PIK3R4: variants seen among roughly 807,000 people sequenced by gnomAD.
The protein encoded by PIK3R4 is phosphoinositide-3-kinase regulatory subunit 4, also known as phosphoinositide 3-kinase regulatory subunit 4.
PIK3R4 carries 46 observed loss-of-function variants against 136.5 expected under a neutral mutation model. The ratio of observed to expected loss-of-function variants is 0.34; its 90% CI spans 0.27 to 0.43. PIK3R4 has a LOEUF of 0.43. PIK3R4 is among the 20% of genes least tolerant of loss of function. The pLI, the probability that PIK3R4 is intolerant of heterozygous loss-of-function variation, is 1.00. For missense variants in PIK3R4, 1,331 were observed against 1,649.5 expected, an observed-to-expected ratio of 0.81 and a Z score of 3.35; for synonymous variants, 557 against 566.7, an observed-to-expected ratio of 0.98 and a Z score of 0.24.
At chr3:130,742,825 A>G (rs140070446) in intron 2 of PIK3R4, among the ~76,000 whole-genome samples, 165 of 152,334 alleles carry the variant, frequency 1.1e-3, no homozygotes, top group African/African-American at 3.6e-3. Context: ...GAAGTCTATC[A>G]GAGTACCACT....
intron 7 of PIK3R4, among the ~76,000 whole-genome samples, chr3:130,721,673 C>A (rs1306068548): frequency 6.6e-6 from 1 of 152,016 alleles, no homozygotes; most frequent in Non-Finnish European, 1.5e-5. Context: ...CGAACTAATA[C>A]ATATTATCTA....
At chr3:130,740,651 A>G (rs1306216372) in intron 2 of PIK3R4, among the ~76,000 whole-genome samples, 1 of 152,122 alleles carries the variant, frequency 6.6e-6, no homozygotes, top group Non-Finnish European at 1.5e-5. Context: ...GCAGCATGAT[A>G]CCCAGGAGGT....
At chr3:130,714,611 C>G (rs931339755) in intron 9 of PIK3R4, among the ~76,000 whole-genome samples, 1 of 152,014 alleles carries the variant, frequency 6.6e-6, no homozygotes, top group African/African-American at 2.4e-5. Context: ...CCTCACCCCC[C>G]ACCCCTCAAC....
Position 130,733,799 on chromosome 3 carries a change from T to G in PIK3R4, c.1199A>C (p.Glu400Ala). Residue 400 changes from glutamate (E) to alanine (A), a missense_variant, in exon 4 of 20, where the codon GAA becomes GCA. Around this residue, in one of 2 missense-constraint regions of PIK3R4, gnomAD observed 1,180 missense variants for 1,407.0 expected, o/e 0.84. Transcript: ENST00000356763. The stretch of plus-strand genomic sequence containing the variant: ...TCTTGGAGCCAAATGAAGAATCAGT[T>G]CCAAAGCAGCTAGTTTGGAATCACA... Reference protein sequence around the residue: ...KYCDSKLAALELILHLAPRLS... With the variant: ...KYCDSKLAALALILHLAPRLS... 2 of 1,614,116 alleles carry G rather than the reference T, an allele frequency of 1.2e-6. No homozygotes were observed. The highest frequency in any genetic ancestry group is 1.7e-6 in the Non-Finnish European group (2 of 1,179,998).
chr3:130,733,393 C>A (rs1032518035), intron 4 of PIK3R4, among the ~76,000 whole-genome samples, 155 bp downstream of exon 4: 3 of 152,172 alleles, frequency 2.0e-5, no homozygotes, highest in Non-Finnish European at 4.4e-5. Flanking sequence ...TTCCCAGGAA[C>A]AGAGTAACTA....
chr3:130,700,015 C>T lies in PIK3R4; in HGVS notation c.3098+3708G>A, dbSNP rs78150003. Among the ~76,000 whole-genome samples, 635 of 152,272 alleles carry T rather than the reference C, an allele frequency of 4.2e-3. 1 individual carries two copies. Among genetic ancestry groups the T allele is most frequent in the African/African-American group, 0.014 (592 of 41,550 alleles). ...TCAATGGCATTATGAGGTTTTCATGCTAGTAGGGTTTTTGTCTCACTGAGA... is the reference window on the plus strand; with the variant it reads ...TCAATGGCATTATGAGGTTTTCATGTTAGTAGGGTTTTTGTCTCACTGAGA... On this transcript the variant is annotated intron_variant, in intron 13 of 19. Coordinates refer to ENST00000356763, the MANE Select transcript of PIK3R4 (RefSeq NM_014602.3).
intron 6 of PIK3R4, chr3:130,725,755 C>A (rs962068685): frequency 2.6e-5 from 4 of 151,618 alleles, no homozygotes; most frequent in African/African-American, 9.7e-5. Context: ...ACAAGAAAAG[C>A]ATAAGTATCA....
intron 3 of PIK3R4, among the ~76,000 whole-genome samples, chr3:130,734,751 T>C (rs2066776769): frequency 6.6e-6 from 1 of 152,194 alleles, no homozygotes; most frequent in Non-Finnish European, 1.5e-5. Flanking sequence ...TTTTCTAGTA[T>C]CATAGGGAAA....
At chr3:130,728,931 A>G (rs1437177505) in intron 5 of PIK3R4, among the ~76,000 whole-genome samples, 1 of 152,164 alleles carries the variant, frequency 6.6e-6, no homozygotes, top group African/African-American at 2.4e-5. Context: ...CTATCTCACT[A>G]ATCAAATAGT....
intron 5 of PIK3R4, among the ~76,000 whole-genome samples, chr3:130,729,153 T>C (rs1378927142): frequency 6.6e-6 from 1 of 152,220 alleles, no homozygotes; most frequent in African/African-American, 2.4e-5. Context: ...TGTCAAGGCT[T>C]TACTTCATCT....
chr3:130,680,060 C>CAAAAA (rs1163413860), intron 19 of PIK3R4, among the ~76,000 whole-genome samples: 2 of 65,582 alleles, frequency 3.0e-5, no homozygotes, highest in Non-Finnish European at 6.8e-5. Context: ...GACTCCATCT[C>CAAAAA]AAAAAAAAAA....
intron 9 of PIK3R4, among the ~76,000 whole-genome samples, chr3:130,710,092 A>G (rs1437802094): frequency 6.6e-6 from 1 of 152,184 alleles, no homozygotes; most frequent in African/African-American, 2.4e-5. Context: ...GAACATTACA[A>G]GAAAGGAAAA....
chr3:130,714,953 G>T (rs1393331385), intron 9 of PIK3R4, among the ~76,000 whole-genome samples: 1 of 151,924 alleles, frequency 6.6e-6, no homozygotes, highest in Non-Finnish European at 1.5e-5. Flanking sequence ...ATTCCTTTGG[G>T]TATATGTCCA....
intron 12 of PIK3R4, among the ~76,000 whole-genome samples, 197 bp downstream of exon 12, chr3:130,705,364 A>C (rs1368572728): frequency 6.6e-6 from 1 of 152,230 alleles, no homozygotes; most frequent in African/African-American, 2.4e-5. Context: ...CCTAAACATG[A>C]CTTTGCCAGT....
intron 6 of PIK3R4, 67 bp downstream of exon 6, chr3:130,728,396 A>T: frequency 2.2e-6 from 2 of 925,786 alleles, no homozygotes; most frequent in Non-Finnish European, 3.3e-6. Flanking sequence ...TCTATCCTTC[A>T]GATTGCATGG....
chr3:130,686,446 A>G, intron 14 of PIK3R4, 24 bp from the exon 15 acceptor site: 1 of 1,426,336 alleles, frequency 7.0e-7, no homozygotes, highest in South Asian at 1.1e-5. Context: ...CAAAGCACAG[A>G]CGTTTCCAGT....
At position 130,680,722 on chromosome 3, in the gene PIK3R4, C is replaced by G. The variant is rs1165371015; in HGVS notation, c.3798-1G>C. On this transcript the variant is annotated splice_acceptor_variant, in intron 18 of 19. Coordinates refer to ENST00000356763, the MANE Select transcript of PIK3R4 (RefSeq NM_014602.3). LOFTEE classifies it high-confidence loss of function. ...TTCTGGGTAAGCCAAGTCCCAAAACCTAGGAAAGAGGAAATAAATGATGAC... is the reference window on the plus strand; with the variant it reads ...TTCTGGGTAAGCCAAGTCCCAAAACGTAGGAAAGAGGAAATAAATGATGAC... 1 of 1,578,188 alleles carries G rather than the reference C, an allele frequency of 6.3e-7. No individual in the cohort carries two copies. Among genetic ancestry groups the G allele is most frequent in the Non-Finnish European group, 8.7e-7 (1 of 1,149,884 alleles).
chr3:130,741,063 T>C (rs2066820700), intron 2 of PIK3R4, among the ~76,000 whole-genome samples: 1 of 152,228 alleles, frequency 6.6e-6, no homozygotes, highest in Admixed American at 6.5e-5. Context: ...ATGGAGGTTT[T>C]ATTGACTGAA....
intron 17 of PIK3R4, 46 bp downstream of exon 17, chr3:130,681,445 A>T (rs757719156): frequency 1.7e-6 from 2 of 1,153,750 alleles, no homozygotes; most frequent in South Asian, 2.5e-5. Flanking sequence ...AGTACTTAGG[A>T]TGTGGGGAAT....
Sources: allele counts gnomAD v4.1 joint callset (sites outside exome capture counted in the v4.1 genomes callset), GRCh38; gene constraint gnomAD v4.1.1; regional missense constraint gnomAD v4.1.1; transcripts MANE v1.5; gene names NCBI Gene and HGNC (gene_info 2026-07-23, HGNC 2026-07-21).